The following ATG2B variants were observed in gnomAD, a reference collection of about 807,000 sequenced individuals.
ATG2B encodes the protein autophagy related 2B, also known as autophagy-related protein 2 homolog B.
A neutral mutation model predicts 241.3 loss-of-function variants in ATG2B; 121 were observed. That is an observed-to-expected ratio of 0.50 (90% CI 0.43 to 0.58). ATG2B has a LOEUF of 0.58. ATG2B is among the 20% of genes least tolerant of loss of function. The probability of loss-of-function intolerance (pLI) is 0.00; values close to 1 mark genes in which losing one functional copy is unlikely to be tolerated. For missense variants in ATG2B, 2,306 were observed against 2,491.6 expected, an observed-to-expected ratio of 0.93 and a Z score of 1.59; for synonymous variants, 858 against 876.6, an observed-to-expected ratio of 0.98 and a Z score of 0.37.
chr14:96,317,729 A>G lies in ATG2B; in HGVS notation c.3006T>C (p.Ser1002=), dbSNP rs781635707. The G allele has an allele frequency of 1.9e-6, 3 of 1,611,410 alleles. No individual in the cohort carries two copies. Among genetic ancestry groups the G allele is most frequent in the Non-Finnish European group, 2.5e-6 (3 of 1,178,520 alleles). Residue 1002 remains serine (S), a synonymous_variant, in exon 19 of 42, where the codon AGT becomes AGC. Coordinates refer to ENST00000359933, the MANE Select transcript of ATG2B (RefSeq NM_018036.7). ...GAACTGCAGATTTAAATGCACTAAA[A>G]CTATCTTTGTTGAAAGTATTAATGA... is the stretch of plus-strand genomic sequence containing the variant. The part of the protein sequence containing the change: ...SQLINTFNKD[S]FSAFKSAVHY...
chr14:96,309,479 G>C lies in ATG2B; in HGVS notation c.4277C>G (p.Thr1426Ser), dbSNP rs1427292275. ...ATTAGCCTGTGGTTTTACTGACGAG[G>C]TGCCTTGTTGCATGTCGATCTCCTC... ...AMEEIDMQQG[T>S]SSVKPQANGV... The change falls in exon 29 of 42, where the codon ACC becomes AGC. Residue 1426 changes from threonine (T) to serine (S), a missense_variant. Physicochemically the swap from Thr to Ser is moderately conservative, Grantham distance 58 (BLOSUM62 1). Transcript: ENST00000359933. The C allele has an allele frequency of 2.5e-6, 4 of 1,613,860 alleles. No individual in the cohort carries two copies. The African/African-American group carries it at 4.0e-5, about 16-fold the overall frequency.
chr14:96,341,577 C>T lies in ATG2B; in HGVS notation c.869G>A (p.Gly290Asp), dbSNP rs200801506. 1.4e-4 allele frequency: 225 copies of T among 1,604,360 alleles called. 1 individual carries two copies. The South Asian group carries it at 2.0e-3, about 15-fold the overall frequency. ...SDPVQIGRLI[G>D]RLELSLTLKQ... ...CAACGTGAGACTCAACTCCAACCTA[C>T]CAATTAACCGTCCAATCTGCACTGG... Residue 290 changes from glycine (G) to aspartate (D), a missense_variant, in exon 6 of 42, where the codon GGT becomes GAT. Transcript: ENST00000359933.
intron 1 of ATG2B, among the ~76,000 whole-genome samples, chr14:96,350,179 A>T (rs1888276557): frequency 6.6e-6 from 1 of 152,172 alleles, no homozygotes. Context: ...AATAATAAAC[A>T]AATGGGTAAC....
chr14:96,355,550 A>C (rs1888450117), intron 1 of ATG2B, among the ~76,000 whole-genome samples: 1 of 152,150 alleles, frequency 6.6e-6, no homozygotes, highest in African/African-American at 2.4e-5. Context: ...TGGTCCATAA[A>C]ATAGAAATAG....
chr14:96,355,015 G>A (rs565411933), intron 1 of ATG2B, among the ~76,000 whole-genome samples: 1 of 152,094 alleles, frequency 6.6e-6, no homozygotes, highest in Non-Finnish European at 1.5e-5. Flanking sequence ...AATTTGTTAA[G>A]TTCCTTACAG....
chr14:96,355,591 G>A (rs1200110546), intron 1 of ATG2B, among the ~76,000 whole-genome samples: 1 of 152,092 alleles, frequency 6.6e-6, no homozygotes, highest in Non-Finnish European at 1.5e-5. Flanking sequence ...GACCATTAAT[G>A]AGGTAATATA....
chr14:96,306,990 GAT>G (rs1886968440), intron 29 of ATG2B, 74 bp from the exon 30 acceptor site: 1 of 1,257,544 alleles, frequency 8.0e-7, no homozygotes, highest in East Asian at 2.4e-5. Context: ...CCATGTGTCA[GAT>G]ATATGTTGTG....
chr14:96,310,601 T>C (rs1168234307), intron 28 of ATG2B, among the ~76,000 whole-genome samples: 1 of 152,202 alleles, frequency 6.6e-6, no homozygotes, highest in East Asian at 1.9e-4. Flanking sequence ...ATCATCTAAA[T>C]TCTCTGGGTC....
rs931374455 is a variant in ATG2B, at chr14:96,343,149, T to C, written c.714A>G (p.Lys238=). 2.6e-5 allele frequency: 41 copies of C among 1,603,102 alleles called. No homozygotes were observed. Among genetic ancestry groups the C allele is most frequent in the African/African-American group, 8.1e-5 (6 of 74,416 alleles). The part of the protein sequence containing the change: ...LFWDEFSASA[K]SSPVCSTAPV... ...GTGCAGTTGAACACACTGGGGAAGA[T>C]TTGGCTGATGCAGAAAACTCATCCC... The change falls in exon 5 of 42, where the codon AAA becomes AAG. Residue 238 remains lysine, a synonymous_variant. Coordinates refer to ENST00000359933, the MANE Select transcript of ATG2B (RefSeq NM_018036.7).
rs1349286218 is a variant in ATG2B, at chr14:96,285,726, C to T, written c.*29G>A. ...ACTCTGAGCTCCTGGTTCCACTCTC[C>T]TTATCTTCACACTGTCAGTTCCAAG... is the stretch of plus-strand genomic sequence containing the variant. On this transcript the variant is annotated 3_prime_UTR_variant, in exon 42 of 42. Transcript: ENST00000359933. The surrounding 1 kb of genome is among the most constrained non-coding windows in gnomAD (Gnocchi z 4.2). The T allele has an allele frequency of 6.2e-7, 1 of 1,606,638 alleles. No individual in the cohort carries two copies. Among genetic ancestry groups the T allele is most frequent in the South Asian group, 1.1e-5 (1 of 90,764 alleles).
chr14:96,322,139 T>G lies in ATG2B; in HGVS notation c.2852A>C (p.Lys951Thr), dbSNP rs201204616. The change falls in exon 18 of 42, where the codon AAG becomes ACG. Residue 951 changes from lysine to threonine, a missense_variant. By Grantham distance (78) the Lys-to-Thr change is moderately conservative (BLOSUM62 -1). Coordinates refer to ENST00000359933, the MANE Select transcript of ATG2B (RefSeq NM_018036.7). ...LPNIYVTLPN[K>T]SFYEKLYNRI... is the part of the protein sequence containing the mutation. ...ATTATAAAGCTTCTCATAAAAGCTC[T>G]TATTAGGTAGTGTTACATAAATATT... is the stretch of plus-strand genomic sequence containing the variant. The G allele has an allele frequency of 3.8e-4, 589 of 1,557,396 alleles. 1 individual carries two copies. The highest frequency in any genetic ancestry group is 4.7e-4 in the Non-Finnish European group (547 of 1,159,814).
chr14:96,335,437 A>G (rs1335244991), intron 6 of ATG2B, among the ~76,000 whole-genome samples: 1 of 152,190 alleles, frequency 6.6e-6, no homozygotes, highest in Non-Finnish European at 1.5e-5. Flanking sequence ...AGTAAAATAA[A>G]TCATTATTAT....
intron 15 of ATG2B, among the ~76,000 whole-genome samples, chr14:96,324,934 C>CG (rs1183600850): frequency 2.6e-5 from 4 of 151,982 alleles, no homozygotes; most frequent in African/African-American, 9.7e-5. Context: ...GAGAGGGTGT[C>CG]GTGGCAGAGG....
chr14:96,362,817 A>C lies in ATG2B; in HGVS notation c.160T>G (p.Trp54Gly). Residue 54 changes from tryptophan (W) to glycine (G), a missense_variant and splice_region_variant, in exon 1 of 42, where the codon TGG becomes GGG. Physicochemically the swap from Trp to Gly is radical, Grantham distance 184. This residue lies in a region of ATG2B where 1,927 missense variants were observed against 2,011.2 expected (regional missense o/e 0.96). Transcript: ENST00000359933. Reference sequence around the variant, plus strand: ...GGCTCGCCGCCGGCAGCTCTTACCCATTTGTCCAAGGGGACCTGGGCGAGG... The same window carrying C: ...GGCTCGCCGCCGGCAGCTCTTACCCCTTTGTCCAAGGGGACCTGGGCGAGG... Reference protein sequence around the residue: ...GSLAQVPLDKWCLNEILESAD... With the variant: ...GSLAQVPLDKGCLNEILESAD... The C allele has an allele frequency of 6.2e-7, 1 of 1,601,452 alleles. No individual in the cohort carries two copies. The highest frequency in any genetic ancestry group is 8.5e-7 in the Non-Finnish European group (1 of 1,171,924).
intron 41 of ATG2B, among the ~76,000 whole-genome samples, chr14:96,287,879 T>C (rs1259271438): frequency 6.6e-6 from 1 of 152,138 alleles, no homozygotes; most frequent in Non-Finnish European, 1.5e-5. Flanking sequence ...ATGGCTAGTC[T>C]ACCCTGCAGC....
In ATG2B at chr14:96,291,653, C is replaced by A. The variant is rs146677087; in HGVS notation, c.5526G>T (p.Leu1842=). The change falls in exon 38 of 42, where the codon CTG becomes CTT. Residue 1842 remains leucine, a synonymous_variant. Coordinates refer to ENST00000359933, the MANE Select transcript of ATG2B (RefSeq NM_018036.7). Reference sequence around the variant, plus strand: ...TTAGTTCAGAGCAGTTTAACTGAGCCAGACCAATCAAAATCCCAGCTAGCG... The same window carrying A: ...TTAGTTCAGAGCAGTTTAACTGAGCAAGACCAATCAAAATCCCAGCTAGCG... The part of the protein sequence containing the change: ...QGTLAGILIG[L]AQLNCSELKL... 3.7e-6 allele frequency: 6 copies of A among 1,608,176 alleles called. No individual in the cohort carries two copies. The highest frequency in any genetic ancestry group is 2.7e-5 in the African/African-American group (2 of 74,944).
At chr14:96,356,251 C>A (rs975513490) in intron 1 of ATG2B, among the ~76,000 whole-genome samples, 4 of 151,766 alleles carry the variant, frequency 2.6e-5, no homozygotes, top group Non-Finnish European at 5.9e-5. Context: ...CTAGAGTGTA[C>A]TATTTTATAC....
chr14:96,311,684 C>A (rs1205677354), intron 26 of ATG2B, 66 bp from the exon 27 acceptor site: 24 of 930,036 alleles, frequency 2.6e-5, no homozygotes, highest in Non-Finnish European at 4.2e-5. Context: ...CCAACCAACA[C>A]CCAATACAAC....
chr14:96,323,804 TA>T, intron 16 of ATG2B, 91 bp downstream of exon 16: 1 of 838,812 alleles, frequency 1.2e-6, no homozygotes, highest in Non-Finnish European at 1.9e-6. Flanking sequence ...TGGACATGTT[TA>T]GCTTATATTT....
Sources: allele counts gnomAD v4.1 joint callset (sites outside exome capture counted in the v4.1 genomes callset), GRCh38; gene constraint gnomAD v4.1.1; regional missense constraint gnomAD v4.1.1; non-coding constraint Gnocchi (gnomAD v3.1); transcripts MANE v1.5; gene names NCBI Gene and HGNC (gene_info 2026-07-23, HGNC 2026-07-21).